The following XKR6 variants were observed in gnomAD, a reference collection of about 807,000 sequenced individuals.
The protein encoded by XKR6 is XK-related protein 6.
Under a neutral mutation model 56.7 loss-of-function variants are expected in XKR6, and 22 were observed. The observed-to-expected ratio is 0.39, with a 90% confidence interval of 0.28 to 0.55. The LOEUF (loss-of-function observed/expected upper bound fraction) is 0.55. Among genes scored for constraint, XKR6 ranks in the 20% least tolerant of loss-of-function variants. The pLI is 0.66. For synonymous variants in XKR6, 524 were observed against 387.8 expected (o/e 1.35, Z -4.13); for missense variants, 852 against 889.0 (o/e 0.96, Z 0.53).
At chr8:11,134,204 A>G (rs956431594) in intron 1 of XKR6, among the ~76,000 whole-genome samples, 1 of 152,144 alleles carries the variant, frequency 6.6e-6, no homozygotes, top group Admixed American at 6.5e-5. Context: ...TATGTCCCCA[A>G]ACAACCCTCT....
At chr8:11,060,570 T>G (rs187769022) in intron 1 of XKR6, among the ~76,000 whole-genome samples, 6 of 152,306 alleles carry the variant, frequency 3.9e-5, no homozygotes, top group Non-Finnish European at 8.8e-5. Flanking sequence ...GTTTTTCTCC[T>G]GCATACAAGG....
intron 1 of XKR6, chr8:11,194,757 G>T (rs1803779151): frequency 4.5e-6 from 1 of 221,596 alleles, no homozygotes; most frequent in South Asian, 7.7e-5. Flanking sequence ...TTATGAATAA[G>T]TCTATAGTAT....
intron 2 of XKR6, among the ~76,000 whole-genome samples, chr8:10,921,526 G>T (rs1800718354): frequency 6.6e-6 from 1 of 152,184 alleles, no homozygotes; most frequent in Non-Finnish European, 1.5e-5. Context: ...GTGCTCTCTT[G>T]TGCATTATAT....
chr8:11,126,801 T>G (rs895065317), intron 1 of XKR6, among the ~76,000 whole-genome samples: 4 of 152,142 alleles, frequency 2.6e-5, no homozygotes, highest in African/African-American at 9.7e-5. Context: ...GACCAGGAGA[T>G]GTTAGAATCC....
intron 1 of XKR6, chr8:11,138,320 C>T (rs1027839450): frequency 4.5e-4 from 69 of 152,586 alleles, no homozygotes; most frequent in African/African-American, 1.5e-3. Context: ...TTAGAACCAC[C>T]TTACTGAGGG....
intron 1 of XKR6, among the ~76,000 whole-genome samples, chr8:11,177,005 A>G (rs1178997213): frequency 6.6e-6 from 1 of 152,162 alleles, no homozygotes; most frequent in Admixed American, 6.5e-5. Flanking sequence ...ATGTCATCTC[A>G]TCCAAACCTT....
At chr8:11,075,534 C>T (rs1231849596) in intron 1 of XKR6, among the ~76,000 whole-genome samples, 1 of 152,196 alleles carries the variant, frequency 6.6e-6, no homozygotes, top group African/African-American at 2.4e-5. Flanking sequence ...ACTCAATCCT[C>T]ACAGCAATCT....
chr8:10,991,887 A>T (rs910372554), intron 1 of XKR6, among the ~76,000 whole-genome samples: 1 of 152,230 alleles, frequency 6.6e-6, no homozygotes, highest in Non-Finnish European at 1.5e-5. Context: ...AAATACAGGA[A>T]ATGGGTAAAG....
chr8:10,915,118 G>A lies in XKR6; in HGVS notation c.961+9516C>T, dbSNP rs564930332. Among the ~76,000 whole-genome samples, 15 of 152,300 alleles carry A rather than the reference G, an allele frequency of 9.8e-5. No homozygotes were observed. The South Asian group carries it at 2.7e-3, about 27-fold the overall frequency. ...TCTTCCCAGCTTTCTTGCTCTCTGT[G>A]CACTCCATTTTCTAAAAGAGAAAAT... On this transcript the variant is annotated intron_variant, in intron 2 of 2. Transcript: ENST00000416569.
At chr8:10,952,294 A>G (rs1801750875) in intron 1 of XKR6, among the ~76,000 whole-genome samples, 1 of 152,176 alleles carries the variant, frequency 6.6e-6, no homozygotes, top group Non-Finnish European at 1.5e-5. Context: ...GGGTAGAAAG[A>G]GGCCCACTTA....
intron 1 of XKR6, among the ~76,000 whole-genome samples, chr8:10,968,059 C>A (rs1174588057): frequency 6.6e-6 from 1 of 152,222 alleles, no homozygotes; most frequent in Non-Finnish European, 1.5e-5. Context: ...ACCCCCCAGC[C>A]TTTCCTGTGA....
chr8:10,917,397 G>A (rs1586303218), intron 2 of XKR6, among the ~76,000 whole-genome samples: 1 of 152,252 alleles, frequency 6.6e-6, no homozygotes, highest in South Asian at 2.1e-4. Context: ...GCATGGTGGA[G>A]TGGGACCGTG....
intron 1 of XKR6, among the ~76,000 whole-genome samples, chr8:10,978,149 A>G (rs1802622384): frequency 6.6e-6 from 1 of 151,976 alleles, no homozygotes; most frequent in African/African-American, 2.4e-5. Flanking sequence ...GCCTAGCCCC[A>G]CCCCCATTAC....
intron 1 of XKR6, among the ~76,000 whole-genome samples, chr8:11,142,419 T>G (rs1273683994): frequency 6.6e-6 from 1 of 152,190 alleles, no homozygotes. Flanking sequence ...GTTTGGATGT[T>G]TAACCCCTCC....
intron 2 of XKR6, among the ~76,000 whole-genome samples, chr8:10,918,113 C>A (rs1187054161): frequency 6.6e-6 from 1 of 152,186 alleles, no homozygotes; most frequent in Admixed American, 6.5e-5. Context: ...ACCTCTGGGT[C>A]AGGATAGAAA....
chr8:10,983,930 C>T (rs1797793638), intron 1 of XKR6, among the ~76,000 whole-genome samples: 1 of 152,162 alleles, frequency 6.6e-6, no homozygotes, highest in Non-Finnish European at 1.5e-5. Flanking sequence ...GCTGGGATTA[C>T]AGGTGTGAGC....
intron 1 of XKR6, among the ~76,000 whole-genome samples, chr8:11,059,231 C>A (rs1409397272): frequency 6.6e-6 from 1 of 152,248 alleles, no homozygotes; most frequent in African/African-American, 2.4e-5. Context: ...CGACCCCCTG[C>A]GCTGGCCAGC....
chr8:11,144,273 C>A (rs1284921939), intron 1 of XKR6, among the ~76,000 whole-genome samples: 3 of 125,942 alleles, frequency 2.4e-5, no homozygotes, highest in Non-Finnish European at 4.8e-5. Context: ...GTAGGCTTCA[C>A]AGGTCTTCTC....
At chr8:11,099,274 C>G (rs1426901234) in intron 1 of XKR6, among the ~76,000 whole-genome samples, 4 of 152,250 alleles carry the variant, frequency 2.6e-5, no homozygotes, top group African/African-American at 7.2e-5. Flanking sequence ...GTCCAGCTGA[C>G]TTTTGTCACC....
Sources: gnomAD v4.1 joint callset for allele counts (sites outside exome capture counted in the v4.1 genomes callset) on GRCh38, gnomAD v4.1.1 for gene constraint, MANE v1.5 for transcripts, NCBI Gene and HGNC (gene_info 2026-07-23, HGNC 2026-07-21) for gene names.